CDC42: variants seen among roughly 807,000 people sequenced by gnomAD.
CDC42 encodes the protein cell division control protein 42 homolog.
CDC42 carries 1 observed loss-of-function variant against 20.8 expected under a neutral mutation model. The observed-to-expected ratio is 0.05, with a 90% CI of 0.02 to 0.23. The LOEUF (loss-of-function observed/expected upper bound fraction) is 0.23, where lower values mean the gene tolerates loss of function less well. CDC42 is among the 10% of genes least tolerant of loss of function. The pLI is 1.00. For missense variants in CDC42, 49 were observed against 227.9 expected, an observed-to-expected ratio of 0.21 and a Z score of 5.05; for synonymous variants, 72 against 84.8, an observed-to-expected ratio of 0.85 and a Z score of 0.83.
chr1:22,064,944 G>A (rs1485278215), intron 1 of CDC42, among the ~76,000 whole-genome samples: 1 of 152,084 alleles, frequency 6.6e-6, no homozygotes. Flanking sequence ...TGGGATTACA[G>A]GCGTGCATTC....
At chr1:22,072,234 A>G (rs528666781) in intron 1 of CDC42, among the ~76,000 whole-genome samples, 1 of 151,480 alleles carries the variant, frequency 6.6e-6, no homozygotes, top group Non-Finnish European at 1.5e-5. Context: ...AGTAGCTGGA[A>G]CTACAGGCGC....
chr1:22,069,925 C>T (rs985674743), intron 1 of CDC42, among the ~76,000 whole-genome samples: 1 of 152,056 alleles, frequency 6.6e-6, no homozygotes. Flanking sequence ...GTAGCTGGGA[C>T]CACAGGCGCA....
chr1:22,056,839 CTA>C (rs986364253), intron 1 of CDC42, among the ~76,000 whole-genome samples: 7 of 152,236 alleles, frequency 4.6e-5, no homozygotes, highest in African/African-American at 1.4e-4. Flanking sequence ...GAGCAGAAAA[CTA>C]TATTGTTCAG....
chr1:22,071,266 G>T (rs182440296), intron 1 of CDC42, among the ~76,000 whole-genome samples: 1 of 151,758 alleles, frequency 6.6e-6, no homozygotes, highest in African/African-American at 2.4e-5. Flanking sequence ...GGATGGTCTC[G>T]ATCTCCTGAC....
intron 1 of CDC42, among the ~76,000 whole-genome samples, chr1:22,070,166 C>T (rs534977968): frequency 1.7e-4 from 26 of 152,310 alleles, no homozygotes; most frequent in African/African-American, 6.3e-4. Context: ...TCTTCAAAGA[C>T]TTCCCCCACA....
rs1645747636 is a variant in CDC42, at chr1:22,095,147, A to G, written c.*3630A>G. On this transcript the variant is annotated 3_prime_UTR_variant, in exon 6 of 6. Transcript: ENST00000656825. ...TAGGGCATCTCTGAATGATTATTGG[A>G]GGGAAGTGGCTTTATGTCACACTTG... Among the ~76,000 whole-genome samples, 1 of 152,168 alleles carries G rather than the reference A, an allele frequency of 6.6e-6. No individual in the cohort carries two copies. The highest frequency in any genetic ancestry group is 1.5e-5 in the Non-Finnish European group (1 of 68,030).
At chr1:22,065,920 G>A (rs1180026321) in intron 1 of CDC42, among the ~76,000 whole-genome samples, 1 of 151,858 alleles carries the variant, frequency 6.6e-6, no homozygotes, top group Non-Finnish European at 1.5e-5. Context: ...CACCATGCCT[G>A]GCTAATTTTT....
At position 22,095,256 on chromosome 1, in the gene CDC42, G is replaced by A. The variant is rs1447870447; in HGVS notation, c.*3739G>A. ...TGGCCCAATCATGTTTTCTTTCCAG[G>A]GCTGCTTGAATGCTTGAATACTTTT... On this transcript the variant is annotated 3_prime_UTR_variant, in exon 6 of 6. Coordinates refer to ENST00000656825, the MANE Select transcript of CDC42 (RefSeq NM_001791.4). 6.6e-6 allele frequency among the ~76,000 whole-genome samples: 1 copy of A among 152,074 alleles called. No homozygotes were observed. The highest frequency in any genetic ancestry group is 1.5e-5 in the Non-Finnish European group (1 of 68,022).
intron 1 of CDC42, among the ~76,000 whole-genome samples, chr1:22,063,146 G>A (rs966739189): frequency 3.3e-5 from 5 of 151,626 alleles, no homozygotes; most frequent in Admixed American, 6.6e-5. Flanking sequence ...GCTTGCTTGT[G>A]CCTTTTCTCC....
rs151294509 is a variant in CDC42, at chr1:22,099,006, G to A, written c.*7489G>A. On this transcript the variant is annotated 3_prime_UTR_variant, in exon 6 of 6. Coordinates refer to ENST00000656825, the MANE Select transcript of CDC42 (RefSeq NM_001791.4). ...ACTCCTGAGCTGATCCTCCCACCTC[G>A]GCCTCCCAACGTGCTGGGATTACAG... Among the ~76,000 whole-genome samples the A allele has an allele frequency of 4.3e-4, 65 of 152,180 alleles. No homozygotes were observed. The highest frequency in any genetic ancestry group is 1.3e-3 in the African/African-American group (56 of 41,524).
intron 1 of CDC42, among the ~76,000 whole-genome samples, chr1:22,071,340 G>A (rs1216618431): frequency 6.6e-5 from 10 of 152,074 alleles, no homozygotes; most frequent in Non-Finnish European, 1.3e-4. Flanking sequence ...CACCGCACCC[G>A]GTCGGAACAA....
intron 3 of CDC42, among the ~76,000 whole-genome samples, chr1:22,085,448 T>C (rs958507729): frequency 6.6e-6 from 1 of 152,168 alleles, no homozygotes; most frequent in Non-Finnish European, 1.5e-5. Context: ...TGTTTCAAGA[T>C]TACTATCCCT....
intron 1 of CDC42, among the ~76,000 whole-genome samples, chr1:22,060,594 A>G (rs1206280334): frequency 6.6e-6 from 1 of 152,174 alleles, no homozygotes; most frequent in Non-Finnish European, 1.5e-5. Flanking sequence ...TAATATTTTT[A>G]GTTTGTTTTT....
At chr1:22,054,911 ATATATATATATTTTTTTTTTTTTTTTTT>A (rs1645281999) in intron 1 of CDC42, among the ~76,000 whole-genome samples, 2 of 13,650 alleles carry the variant, frequency 1.5e-4, no homozygotes, top group Non-Finnish European at 3.7e-4. Context: ...ATATATATAT[ATATATATATATTTTTTTTTTTTTTTTTT>A]TTTTTTTTTT....
intron 1 of CDC42, among the ~76,000 whole-genome samples, chr1:22,078,172 C>T (rs369863722): frequency 2.0e-5 from 3 of 152,138 alleles, no homozygotes; most frequent in Admixed American, 6.5e-5. Context: ...AAAATAAATT[C>T]GCTGATTATC....
chr1:22,055,361 C>T (rs188101696), intron 1 of CDC42, among the ~76,000 whole-genome samples: 2 of 149,244 alleles, frequency 1.3e-5, no homozygotes, highest in Admixed American at 1.3e-4. Context: ...GTATCACATC[C>T]TCTGTTTATA....
At chr1:22,054,240 T>C (rs980273517) in intron 1 of CDC42, among the ~76,000 whole-genome samples, 7 of 152,108 alleles carry the variant, frequency 4.6e-5, no homozygotes, top group Non-Finnish European at 1.0e-4. Context: ...TTACTAAATA[T>C]AATGGATATT....
In CDC42 at chr1:22,091,791, G is replaced by GTTTTTTTTTTTTTTTTT. The variant is rs150558595; in HGVS notation, c.*275_*276insTTTTTTTTTTTTTTTTT. ...TCAAAAAAAAAATTTTTGTGTGTGTGTGTTTTTTTTTTTTTTTTTTTTGTT... is the reference window on the plus strand; with the variant it reads ...TCAAAAAAAAAATTTTTGTGTGTGTGTTTTTTTTTTTTTTTTTTGTTTTTTTTTTTTTTTTTTTTGTT... On this transcript the variant is annotated 3_prime_UTR_variant, in exon 6 of 6. Coordinates refer to ENST00000656825, the MANE Select transcript of CDC42 (RefSeq NM_001791.4). 1.3e-5 allele frequency: 1 copy of GTTTTTTTTTTTTTTTTT among 77,878 alleles called. No individual in the cohort carries two copies. The highest frequency in any genetic ancestry group is 2.2e-5 in the Non-Finnish European group (1 of 45,188). 4.8% of individuals were successfully genotyped at this position (77,878 alleles called of 1,614,324 possible).
Position 22,094,294 on chromosome 1 carries a change from A to ATATTTTTTTTTTTTTTTT in CDC42, c.*2778_*2779insATTTTTTTTTTTTTTTTT, listed in dbSNP as rs1645741155. Among the ~76,000 whole-genome samples, 1 of 38,302 alleles carries ATATTTTTTTTTTTTTTTT rather than the reference A, an allele frequency of 2.6e-5. No homozygotes were observed. The highest frequency in any genetic ancestry group is 4.2e-5 in the Non-Finnish European group (1 of 23,610). 25.1% of individuals were successfully genotyped at this position (38,302 alleles called of 152,430 possible). ...GTTTTACTGAACATCCTAGAAATAG[A>ATATTTTTTTTTTTTTTTT]TTTTTTTTTTTTTTTTTTTTTGAGA... On this transcript the variant is annotated 3_prime_UTR_variant, in exon 6 of 6. Transcript: ENST00000656825.
Sources: allele counts gnomAD v4.1 joint callset (sites outside exome capture counted in the v4.1 genomes callset), GRCh38; gene constraint gnomAD v4.1.1; transcripts MANE v1.5; gene names NCBI Gene and HGNC (gene_info 2026-07-23, HGNC 2026-07-21).